COL21A1: variants seen among roughly 807,000 people sequenced by gnomAD.
COL21A1 encodes collagen alpha-1(XXI) chain.
In COL21A1, 149 loss-of-function variants were observed where a neutral mutation model predicts 137.9. The ratio of observed to expected loss-of-function variants is 1.08; its 90% CI spans 0.95 to 1.24. The LOEUF (loss-of-function observed/expected upper bound fraction) is 1.24, where lower values mean the gene tolerates loss of function less well. COL21A1 is among the 50% of genes most tolerant of loss of function. The pLI is 0.00. For synonymous variants in COL21A1, 456 were observed against 391.5 expected (o/e 1.16, Z -1.95); for missense variants, 1,167 against 1,158.4 (o/e 1.01, Z -0.11).
At position 56,168,200 on chromosome 6, in the gene COL21A1, A is replaced by G. The variant is rs1423098479; in HGVS notation, c.1124T>C (p.Leu375Ser). The G allele has an allele frequency of 1.3e-6, 2 of 1,565,326 alleles. No homozygotes were observed. The highest frequency in any genetic ancestry group is 1.7e-6 in the Non-Finnish European group (2 of 1,152,576). ...IDDQQIENKPLHPVLGILING... is the reference protein window; with the variant it reads ...IDDQQIENKPSHPVLGILING... ...GATCAAGATCCCTAAAACTGGATGTAAGGGCTTGTTTTCAATTTGTTGGTC... is the reference window on the plus strand; with the variant it reads ...GATCAAGATCCCTAAAACTGGATGTGAGGGCTTGTTTTCAATTTGTTGGTC... Residue 375 changes from leucine to serine, a missense_variant, in exon 6 of 30, where the codon TTA becomes TCA. Physicochemically the swap from Leu to Ser is moderately radical, Grantham distance 145. Coordinates refer to ENST00000244728, the MANE Select transcript of COL21A1 (RefSeq NM_030820.4).
chr6:56,273,603 C>T (rs1384490652), intron 1 of COL21A1, among the ~76,000 whole-genome samples: 1 of 152,130 alleles, frequency 6.6e-6, no homozygotes, highest in Non-Finnish European at 1.5e-5. Flanking sequence ...CAACTCCATG[C>T]ACACAAATTA....
chr6:56,255,334 G>GTT (rs982629237), intron 1 of COL21A1, among the ~76,000 whole-genome samples: 1 of 145,490 alleles, frequency 6.9e-6, no homozygotes, highest in Admixed American at 6.8e-5. Context: ...TTGTTAAGAG[G>GTT]GTGTGTGTGT....
intron 1 of COL21A1, among the ~76,000 whole-genome samples, chr6:56,266,705 C>T (rs1763400572): frequency 6.6e-6 from 1 of 152,136 alleles, no homozygotes; most frequent in Non-Finnish European, 1.5e-5. Context: ...GATAAACTCT[C>T]CACTTTAGTA....
At chr6:56,163,266 G>C (rs1776317801) in intron 9 of COL21A1, among the ~76,000 whole-genome samples, 1 of 152,062 alleles carries the variant, frequency 6.6e-6, no homozygotes, top group Non-Finnish European at 1.5e-5. Flanking sequence ...AAACATACTT[G>C]CTTTCAAGTT....
intron 1 of COL21A1, among the ~76,000 whole-genome samples, chr6:56,316,399 G>T (rs904289678): frequency 6.7e-6 from 1 of 149,760 alleles, no homozygotes; most frequent in Non-Finnish European, 1.5e-5. Context: ...AACTGCCATG[G>T]AGTCAAATTA....
intron 1 of COL21A1, among the ~76,000 whole-genome samples, chr6:56,185,330 A>G (rs1778193946): frequency 1.3e-5 from 2 of 151,970 alleles, no homozygotes; most frequent in African/African-American, 4.8e-5. Flanking sequence ...CAACAGAGAA[A>G]ACATAAATAA....
chr6:56,273,292 T>C (rs998277081), intron 1 of COL21A1, among the ~76,000 whole-genome samples: 2 of 151,972 alleles, frequency 1.3e-5, no homozygotes, highest in Non-Finnish European at 2.9e-5. Flanking sequence ...GTTAGAAACA[T>C]CTCAAATTAA....
chr6:56,141,839 C>G lies in COL21A1; in HGVS notation c.1489-1G>C. The G allele has an allele frequency of 6.2e-7, 1 of 1,613,368 alleles. No individual in the cohort carries two copies. Among genetic ancestry groups the G allele is most frequent in the Middle Eastern group, 1.7e-4 (1 of 6,060 alleles). ...TGTAACCTGGTAGTCCTCGAGCTCC[C>G]TAAATTAACCAGAAAATAAAATTTT... On this transcript the variant is annotated splice_acceptor_variant, in intron 11 of 29. Coordinates refer to ENST00000244728, the MANE Select transcript of COL21A1 (RefSeq NM_030820.4). LOFTEE classifies it high-confidence loss of function.
rs577830216 is a variant in COL21A1 at position 56,133,543 on chromosome 6, C to T, written c.1543-7394G>A. On this transcript the variant is annotated intron_variant, in intron 12 of 29. Transcript: ENST00000244728. ...TCTGCGGAGAAATTTAAGCCGGCTG[C>T]AGGAATTTGCATAAGTAACAAGCAG... Among the ~76,000 whole-genome samples, 4 of 152,254 alleles carry T rather than the reference C, an allele frequency of 2.6e-5. No individual in the cohort carries two copies. In the South Asian group the frequency reaches 8.3e-4, roughly 32 times the overall value.
intron 1 of COL21A1, among the ~76,000 whole-genome samples, chr6:56,229,863 A>G (rs981676956): frequency 2.6e-5 from 4 of 151,870 alleles, no homozygotes; most frequent in African/African-American, 9.7e-5. Context: ...ATAAGTACAA[A>G]TTCATCCCCT....
At chr6:56,112,326 G>T (rs1279556443) in intron 16 of COL21A1, among the ~76,000 whole-genome samples, 2 of 152,096 alleles carry the variant, frequency 1.3e-5, no homozygotes, top group African/African-American at 4.8e-5. Flanking sequence ...GGAGTAGAAA[G>T]CTCCACCGAT....
At chr6:56,265,992 C>T (rs929237907) in intron 1 of COL21A1, among the ~76,000 whole-genome samples, 1 of 152,076 alleles carries the variant, frequency 6.6e-6, no homozygotes, top group Admixed American at 6.6e-5. Flanking sequence ...GCCCATGAAC[C>T]CTGCCTCAGC....
intron 1 of COL21A1, among the ~76,000 whole-genome samples, chr6:56,208,479 G>T (rs985759825): frequency 6.6e-6 from 1 of 152,114 alleles, no homozygotes; most frequent in Non-Finnish European, 1.5e-5. Flanking sequence ...GGATGTGAAG[G>T]ATTCTTCAAT....
chr6:56,375,022 A>G (rs757111935), intron 1 of COL21A1, among the ~76,000 whole-genome samples: 6 of 152,160 alleles, frequency 3.9e-5, no homozygotes, highest in Non-Finnish European at 5.9e-5. Context: ...ATCCCACCAC[A>G]TGCCTGAGTA....
chr6:56,078,062 T>C, intron 17 of COL21A1: 3 of 455,540 alleles, frequency 6.6e-6, no homozygotes, highest in South Asian at 4.7e-5. Context: ...ATATAAAAAA[T>C]GGCAATCTTT....
chr6:56,357,758 G>A (rs1175470328), intron 1 of COL21A1, among the ~76,000 whole-genome samples: 1 of 152,144 alleles, frequency 6.6e-6, no homozygotes, highest in Admixed American at 6.5e-5. Context: ...TTATTCTCTG[G>A]AAACCTTCTG....
Position 56,128,456 on chromosome 6 carries a change from A to G in COL21A1, c.1543-2307T>C, listed in dbSNP as rs140510341. ...AGAATCTCTCCGTGGGTAGAGTTCA[A>G]TGACTCTGAACTTCACTGTAATGTG... On this transcript the variant is annotated intron_variant, in intron 12 of 29. Transcript: ENST00000244728. 1.3e-3 allele frequency among the ~76,000 whole-genome samples: 205 copies of G among 152,284 alleles called. 3 individuals carry two copies. Among genetic ancestry groups the G allele is most frequent in the Admixed American group, 0.012 (182 of 15,292 alleles).
rs141165652 is a variant in COL21A1 at position 56,071,364 on chromosome 6, G to C, written c.1966-566C>G. Among the ~76,000 whole-genome samples the C allele has an allele frequency of 2.7e-4, 41 of 151,728 alleles. No individual in the cohort carries two copies. In the East Asian group the frequency reaches 7.8e-3, roughly 29 times the overall value. On this transcript the variant is annotated intron_variant, in intron 20 of 29. Transcript: ENST00000244728. ...TTGACAGGGCAAAGAATGTAATACA[G>C]AAAAGGAAAAGTGGATAGAGAAAGA...
chr6:56,110,559 A>C (rs1771334434), intron 16 of COL21A1, among the ~76,000 whole-genome samples: 1 of 152,084 alleles, frequency 6.6e-6, no homozygotes, highest in Middle Eastern at 3.4e-3. Flanking sequence ...CTTTATTTGT[A>C]GTCAATATAA....
Sources: allele counts gnomAD v4.1 joint callset (sites outside exome capture counted in the v4.1 genomes callset), GRCh38; gene constraint gnomAD v4.1.1; transcripts MANE v1.5; gene names NCBI Gene and HGNC (gene_info 2026-07-23, HGNC 2026-07-21).